Variants in LBX2 observed in about 807,000 individuals in gnomAD.
LBX2 encodes the protein ladybird homeobox 2.
Under a neutral mutation model 7.5 loss-of-function variants are expected in LBX2, and 6 were observed. The observed-to-expected ratio is 0.80, with a 90% CI of 0.44 to 1.59. LBX2 has a LOEUF of 1.59. Among genes scored for constraint, LBX2 ranks in the 40% most tolerant of loss-of-function variants. The pLI, the probability that LBX2 is intolerant of heterozygous loss-of-function variation, is 0.01. For synonymous variants in LBX2, 143 were observed against 133.2 expected (o/e 1.07, Z -0.51); for missense variants, 281 against 282.0 (o/e 1.00, Z 0.03).
chr2:74,500,315 T>TG (rs1166220033), upstream of LBX2, among the ~76,000 whole-genome samples: 1 of 152,132 alleles, frequency 6.6e-6, no homozygotes, highest in African/African-American at 2.4e-5. Context: ...TCCCAGCTGG[T>TG]GCAACTGCCC....
Position 74,499,420 on chromosome 2 carries a change from C to T in LBX2, c.118G>A (p.Gly40Ser). 1 of 1,550,624 alleles carries T rather than the reference C, an allele frequency of 6.4e-7. No homozygotes were observed. The highest frequency in any genetic ancestry group is 8.7e-7 in the Non-Finnish European group (1 of 1,146,992). Residue 40 changes from glycine (G) to serine (S), a missense_variant, in exon 1 of 2, where the codon GGT (glycine) becomes AGT (serine). Transcript: ENST00000377566. The surrounding 1 kb of genome is among the most constrained non-coding windows in gnomAD (Gnocchi z 4.6). ...SAPQLPESGPGPTSPLCALEE... is the reference protein window; with the variant it reads ...SAPQLPESGPSPTSPLCALEE... ...AGCGCGCACAGCGGCGACGTTGGAC[C>T]CGGACCCGACTCTGGAAGCTGCGGC...
chr2:74,498,440 C>G, intron 1 of LBX2, 122 bp from the exon 2 acceptor site: 1 of 745,472 alleles, frequency 1.3e-6, no homozygotes. Flanking sequence ...GCCAGGAAGG[C>G]GGACGGAGAC....
At chr2:74,500,947 T>C (rs961367921), upstream of LBX2, among the ~76,000 whole-genome samples, 1 of 152,186 alleles carries the variant, frequency 6.6e-6, no homozygotes, top group Non-Finnish European at 1.5e-5. Flanking sequence ...CCCCTGCATC[T>C]CCCACCATCT....
upstream of LBX2, chr2:74,503,096 C>T (rs547634408): frequency 2.1e-6 from 1 of 477,456 alleles, no homozygotes; most frequent in South Asian, 3.6e-5. The surrounding 1 kb of genome is among the most constrained non-coding windows in gnomAD (Gnocchi z 5.1). Context: ...GGTCCTGCCG[C>T]CACCTCTCCT....
chr2:74,499,687 C>T, upstream of LBX2: 1 of 740,330 alleles, frequency 1.4e-6, no homozygotes, highest in Non-Finnish European at 2.2e-6. The surrounding 1 kb of genome is among the most constrained non-coding windows in gnomAD (Gnocchi z 4.6). Context: ...TCCTGCGCCC[C>T]CACCTCTCCA....
At position 74,498,031 on chromosome 2, in the gene LBX2, A is replaced by G; in HGVS notation, c.493T>C (p.Leu165=). Residue 165 remains leucine, a synonymous_variant, in exon 2 of 2, where the codon TTA becomes CTA. Coordinates refer to ENST00000377566, the MANE Select transcript of LBX2 (RefSeq NM_001282430.2). ...RALSPEVLCS[L]ALPEGAPDPG... ...TCTGGAGCGCCTTCGGGCAGTGCTA[A>G]GCTGCACAGGACTTCCGGGGACAAC... 6 of 1,613,608 alleles carry G rather than the reference A, an allele frequency of 3.7e-6. No individual in the cohort carries two copies. The highest frequency in any genetic ancestry group is 5.1e-6 in the Non-Finnish European group (6 of 1,179,796).
chr2:74,500,200 A>G (rs1674455313), upstream of LBX2, among the ~76,000 whole-genome samples: 1 of 152,152 alleles, frequency 6.6e-6, no homozygotes, highest in African/African-American at 2.4e-5. Context: ...GCCACGAAGA[A>G]GCAAGCACAG....
At chr2:74,499,706 C>A (rs946206585), upstream of LBX2, 1 of 666,392 alleles carries the variant, frequency 1.5e-6, no homozygotes, top group East Asian at 2.7e-5. The surrounding 1 kb of genome is among the most constrained non-coding windows in gnomAD (Gnocchi z 4.6). Flanking sequence ...CACCCCGGGC[C>A]GCGGTGGATC....
In LBX2 at chr2:74,499,051, C is replaced by A; in HGVS notation, c.205+282G>T. On this transcript the variant is annotated intron_variant, in intron 1 of 1. Transcript: ENST00000377566. The surrounding 1 kb of genome is among the most constrained non-coding windows in gnomAD (Gnocchi z 4.6). ...CTCTTTCTCTCCTGCCTTTCTCTAT[C>A]GCGATTGCCCCGCCTACAAGGAACA... The A allele has an allele frequency of 3.9e-6, 2 of 510,922 alleles. No homozygotes were observed. The highest frequency in any genetic ancestry group is 7.0e-6 in the Non-Finnish European group (2 of 287,448). The allele number at this position is 510,922 out of a possible 1,614,324, so 31.6% of individuals were successfully genotyped here. A position where few individuals can be genotyped will look rare whatever the true frequency, so the allele number is the denominator to read the frequency against.
chr2:74,502,632 G>C (rs990943776), upstream of LBX2: 5 of 1,597,996 alleles, frequency 3.1e-6, no homozygotes, highest in Non-Finnish European at 4.3e-6. This position sits in a 1 kb window ranked among gnomAD's most constrained non-coding sequence, Gnocchi z 5.4. Context: ...GCGCTACTGC[G>C]GAGTGAACCG....
upstream of LBX2, chr2:74,502,775 G>A: frequency 6.2e-7 from 1 of 1,614,064 alleles, no homozygotes; most frequent in African/African-American, 1.3e-5. This position sits in a 1 kb window ranked among gnomAD's most constrained non-coding sequence, Gnocchi z 5.4. Context: ...GAAGCAGCCA[G>A]CGGTGGGAAA....
In LBX2 at chr2:74,498,170, T is replaced by C; in HGVS notation, c.354A>G (p.Leu118=). ...KYLAPSERDG[L]ATRLGLANAQ... is the part of the protein sequence containing the mutation. ...CGTTGGCCAGGCCGAGTCGCGTAGCTAGCCCGTCTCGCTCGGACGGCGCCA... is the reference window on the plus strand; with the variant it reads ...CGTTGGCCAGGCCGAGTCGCGTAGCCAGCCCGTCTCGCTCGGACGGCGCCA... Residue 118 remains leucine, a synonymous_variant, in exon 2 of 2, where the codon CTA becomes CTG. Coordinates refer to ENST00000377566, the MANE Select transcript of LBX2 (RefSeq NM_001282430.2). 1.9e-6 allele frequency: 3 copies of C among 1,612,630 alleles called. No individual in the cohort carries two copies. The highest frequency in any genetic ancestry group is 8.5e-7 in the Non-Finnish European group (1 of 1,179,496).
chr2:74,499,129 C>A lies in LBX2; in HGVS notation c.205+204G>T. 1 of 602,422 alleles carries A rather than the reference C, an allele frequency of 1.7e-6. No individual in the cohort carries two copies. Among genetic ancestry groups the A allele is most frequent in the Non-Finnish European group, 2.9e-6 (1 of 339,088 alleles). The allele number at this position is 602,422 out of a possible 1,614,324, so 37.3% of individuals were successfully genotyped here. On this transcript the variant is annotated intron_variant, in intron 1 of 1. Transcript: ENST00000377566. The surrounding 1 kb of genome is among the most constrained non-coding windows in gnomAD (Gnocchi z 4.6). ...GTCTGCCCTTTTCCCTTGGCACTGG[C>A]GGCCTTCCGGAGCCGCCGCGGAACC...
upstream of LBX2, chr2:74,502,732 G>T (rs376381341): frequency 1.9e-6 from 3 of 1,614,012 alleles, no homozygotes; most frequent in African/African-American, 2.7e-5. The surrounding 1 kb of genome is among the most constrained non-coding windows in gnomAD (Gnocchi z 5.4). Flanking sequence ...ATCTCTGCGC[G>T]CCCACCGCCA....
At chr2:74,498,409 G>C in intron 1 of LBX2, 91 bp from the exon 2 acceptor site, 2 of 1,016,218 alleles carry the variant, frequency 2.0e-6, no homozygotes, top group South Asian at 3.4e-5. Flanking sequence ...GGCCGGTGGC[G>C]GTGGGGGAAG....
At chr2:74,502,337 C>A, upstream of LBX2, 1 of 348,100 alleles carries the variant, frequency 2.9e-6, no homozygotes, top group East Asian at 6.1e-5. This position sits in a 1 kb window ranked among gnomAD's most constrained non-coding sequence, Gnocchi z 5.4. Flanking sequence ...GCACGGAGGC[C>A]TGCTCAATAA....
At chr2:74,500,251 C>T (rs1257368783), upstream of LBX2, among the ~76,000 whole-genome samples, 1 of 152,162 alleles carries the variant, frequency 6.6e-6, no homozygotes, top group Admixed American at 6.5e-5. Flanking sequence ...GAAATCAGAA[C>T]ACACAGAGAA....
rs1409447138 is a variant in LBX2, at chr2:74,499,291, G to A, written c.205+42C>T. On this transcript the variant is annotated intron_variant, in intron 1 of 1. Coordinates refer to ENST00000377566, the MANE Select transcript of LBX2 (RefSeq NM_001282430.2). The surrounding 1 kb of genome is among the most constrained non-coding windows in gnomAD (Gnocchi z 4.6). ...GGGGAACCAGGAGGAGAGAGGTGAG[G>A]AAAAGGCTAAGTCAGAGTCCGCGAC... 6.6e-7 allele frequency: 1 copy of A among 1,508,580 alleles called. No individual in the cohort carries two copies. The highest frequency in any genetic ancestry group is 2.5e-5 in the East Asian group (1 of 40,654). 93.4% of individuals were successfully genotyped at this position (1,508,580 alleles called of 1,614,324 possible). A position where few individuals can be genotyped will look rare whatever the true frequency, so the allele number is the denominator to read the frequency against.
chr2:74,500,031 C>T (rs181625113), upstream of LBX2, among the ~76,000 whole-genome samples: 141 of 152,312 alleles, frequency 9.3e-4, 1 homozygote, highest in African/African-American at 3.3e-3. Flanking sequence ...CAGCTAGGAC[C>T]TCAGTCTCCT....
Sources: allele counts gnomAD v4.1 joint callset (sites outside exome capture counted in the v4.1 genomes callset), GRCh38; gene constraint gnomAD v4.1.1; non-coding constraint Gnocchi (gnomAD v3.1); transcripts MANE v1.5; gene names NCBI Gene and HGNC (gene_info 2026-07-23, HGNC 2026-07-21).